The following ABCA13 variants were observed in gnomAD, a reference collection of about 807,000 sequenced individuals.
The protein encoded by ABCA13 is ATP binding cassette subfamily A member 13, also known as ATP-binding cassette sub-family A member 13.
Under a neutral mutation model 478.7 loss-of-function variants are expected in ABCA13, and 476 were observed. That is an observed-to-expected ratio of 0.99 (90% CI 0.92 to 1.07). The LOEUF is 1.07. Ranked by LOEUF, ABCA13 falls within the 50% of genes least tolerant of loss-of-function variation. The pLI, the probability that ABCA13 is intolerant of heterozygous loss-of-function variation, is 0.00. For synonymous variants in ABCA13, 2,252 were observed against 2,158.9 expected, an observed-to-expected ratio of 1.04 and a Z score of -1.20; for missense variants, 6,060 against 5,910.6, an observed-to-expected ratio of 1.03 and a Z score of -0.83.
At chr7:48,573,806 G>T (rs1440320230) in intron 55 of ABCA13, among the ~76,000 whole-genome samples, 1 of 152,004 alleles carries the variant, frequency 6.6e-6, no homozygotes, top group Non-Finnish European at 1.5e-5. Context: ...ATTCTCTCAT[G>T]GTTCTAGAGG....
chr7:48,388,964 G>T (rs1224655336), intron 36 of ABCA13, 76 bp from the exon 37 acceptor site: 1 of 1,500,838 alleles, frequency 6.7e-7, no homozygotes, highest in Non-Finnish European at 9.1e-7. Flanking sequence ...AAAGCAGAAT[G>T]CTGAATTAAT....
chr7:48,494,146 C>T (rs1462298809), intron 48 of ABCA13, among the ~76,000 whole-genome samples: 3 of 152,046 alleles, frequency 2.0e-5, no homozygotes, highest in Non-Finnish European at 4.4e-5. Flanking sequence ...TGCTGCAAAC[C>T]CCAGGGAGGA....
At chr7:48,597,477 C>G in intron 58 of ABCA13, among the ~76,000 whole-genome samples, 1 of 152,046 alleles carries the variant, frequency 6.6e-6, no homozygotes, top group East Asian at 1.9e-4. Context: ...TTAGATTTTT[C>G]TGAGTCAAGT....
chr7:48,296,620 C>T (rs528411344), intron 21 of ABCA13, among the ~76,000 whole-genome samples: 39 of 152,002 alleles, frequency 2.6e-4, no homozygotes, highest in Non-Finnish European at 4.4e-4. Context: ...CCACCATGCC[C>T]GGCTAATTTT....
Position 48,543,279 on chromosome 7 carries a change from G to A in ABCA13, c.14354+14934G>A, listed in dbSNP as rs1353664781. On this transcript the variant is annotated intron_variant, in intron 55 of 61. Transcript: ENST00000435803. Reference sequence around the variant, plus strand: ...ATCAAATAAGACAAAGCATTAATAGGTATAATATGTAAATTACTGTATAGT... The same window carrying A: ...ATCAAATAAGACAAAGCATTAATAGATATAATATGTAAATTACTGTATAGT... 1.3e-5 allele frequency among the ~76,000 whole-genome samples: 2 copies of A among 151,820 alleles called. 1 individual carries two copies. Among genetic ancestry groups the A allele is most frequent in the South Asian group, 4.2e-4 (2 of 4,814 alleles).
At position 48,240,970 on chromosome 7, in the gene ABCA13, C is replaced by T. The variant is rs763699745; in HGVS notation, c.1166C>T (p.Pro389Leu). The change falls in exon 10 of 62, where the codon CCC (proline) becomes CTC (leucine). Residue 389 changes from proline to leucine, a missense_variant. Transcript: ENST00000435803. Reference sequence around the variant, plus strand: ...AATCAGTTTGAAGAAGAGAGCAAGCCCTGGAAGGTGGTGGAAGCTCTGCAC... The same window carrying T: ...AATCAGTTTGAAGAAGAGAGCAAGCTCTGGAAGGTGGTGGAAGCTCTGCAC... ...LRNQFEEESK[P>L]WKVVEALHTA... 1.9e-6 allele frequency: 3 copies of T among 1,613,550 alleles called. No homozygotes were observed. The highest frequency in any genetic ancestry group is 2.7e-5 in the African/African-American group (2 of 74,886).
chr7:48,220,710 T>TA (rs752543567), intron 4 of ABCA13, among the ~76,000 whole-genome samples: 1 of 152,218 alleles, frequency 6.6e-6, no homozygotes, highest in Non-Finnish European at 1.5e-5. Context: ...GGAGTTCTTA[T>TA]ATTACACTCT....
intron 35 of ABCA13, among the ~76,000 whole-genome samples, chr7:48,380,498 A>G (rs947506249): frequency 7.9e-5 from 12 of 152,228 alleles, no homozygotes; most frequent in Middle Eastern, 3.2e-3. Flanking sequence ...AATTTAGTGT[A>G]TACTGAAACT....
intron 41 of ABCA13, among the ~76,000 whole-genome samples, chr7:48,415,446 T>C (rs1015255834): frequency 6.6e-6 from 1 of 152,168 alleles, no homozygotes. Flanking sequence ...TACAGATAAA[T>C]TGAACATATT....
At chr7:48,424,508 A>G (rs546464047) in intron 41 of ABCA13, among the ~76,000 whole-genome samples, 1 of 152,208 alleles carries the variant, frequency 6.6e-6, no homozygotes, top group Non-Finnish European at 1.5e-5. Context: ...GTTGAATGAG[A>G]TGACATTATT....
chr7:48,442,141 C>T (rs1252855687), intron 42 of ABCA13, among the ~76,000 whole-genome samples: 6 of 152,294 alleles, frequency 3.9e-5, no homozygotes, highest in Middle Eastern at 6.8e-3. Context: ...ATCCCACTGC[C>T]GAGCTGCTGG....
At chr7:48,605,580 C>T (rs1791384247) in intron 58 of ABCA13, among the ~76,000 whole-genome samples, 1 of 152,186 alleles carries the variant, frequency 6.6e-6, no homozygotes, top group African/African-American at 2.4e-5. Flanking sequence ...CAGAGAGATC[C>T]ACTGTTAGTC....
intron 1 of ABCA13, among the ~76,000 whole-genome samples, chr7:48,174,218 A>C (rs1291150593): frequency 6.6e-6 from 1 of 152,180 alleles, no homozygotes; most frequent in Non-Finnish European, 1.5e-5. Flanking sequence ...GGCCTCAAAT[A>C]CATGTTTATT....
At chr7:48,319,020 A>T (rs528203946) in intron 27 of ABCA13, among the ~76,000 whole-genome samples, 60 of 152,300 alleles carry the variant, frequency 3.9e-4, no homozygotes, top group African/African-American at 1.4e-3. Context: ...ATACTATGCT[A>T]TAAAGACCAT....
At chr7:48,506,738 A>G (rs1236451159) in intron 49 of ABCA13, among the ~76,000 whole-genome samples, 4 of 152,196 alleles carry the variant, frequency 2.6e-5, no homozygotes, top group Non-Finnish European at 5.9e-5. Context: ...ATGTACATAA[A>G]CATAGTAACG....
chr7:48,225,225 C>T (rs901403369), intron 5 of ABCA13, among the ~76,000 whole-genome samples: 1 of 140,266 alleles, frequency 7.1e-6, no homozygotes, highest in Non-Finnish European at 1.6e-5. Flanking sequence ...TCCTTCCCTC[C>T]CTCCCTCCCT....
chr7:48,474,902 T>C (rs1315304904), intron 45 of ABCA13, among the ~76,000 whole-genome samples: 2 of 152,202 alleles, frequency 1.3e-5, no homozygotes, highest in East Asian at 3.9e-4. Context: ...CTAAATTCAC[T>C]TCAACTCACA....
intron 59 of ABCA13, among the ~76,000 whole-genome samples, chr7:48,630,531 A>G (rs1051726055): frequency 6.6e-6 from 1 of 152,160 alleles, no homozygotes. Context: ...CATGGTATAT[A>G]TGTACCACAT....
intron 23 of ABCA13, among the ~76,000 whole-genome samples, chr7:48,307,019 G>T (rs941091970): frequency 6.6e-6 from 1 of 152,102 alleles, no homozygotes; most frequent in Non-Finnish European, 1.5e-5. Context: ...GAGCTGCAAT[G>T]TCAGCTCCTT....
Sources: gnomAD v4.1 joint callset for allele counts (sites outside exome capture counted in the v4.1 genomes callset) on GRCh38, gnomAD v4.1.1 for gene constraint, MANE v1.5 for transcripts, NCBI Gene and HGNC (gene_info 2026-07-23, HGNC 2026-07-21) for gene names.